GSAP: variants seen among roughly 807,000 people sequenced by gnomAD.
The protein encoded by GSAP is gamma-secretase activating protein, also known as gamma-secretase-activating protein.
In GSAP, 118 loss-of-function variants were observed where a neutral mutation model predicts 131.7. The ratio of observed to expected loss-of-function variants is 0.90; its 90% CI spans 0.77 to 1.04. The LOEUF (loss-of-function observed/expected upper bound fraction) is 1.04. Ranked by LOEUF, GSAP falls within the 50% of genes least tolerant of loss-of-function variation. The pLI is 0.00. For missense variants in GSAP, 1,019 were observed against 1,013.2 expected (o/e 1.01, Z -0.08); for synonymous variants, 381 against 363.4 (o/e 1.05, Z -0.55).
intron 26 of GSAP, among the ~76,000 whole-genome samples, chr7:77,316,714 C>T (rs750692170): frequency 6.6e-6 from 1 of 152,124 alleles, no homozygotes; most frequent in Non-Finnish European, 1.5e-5. Flanking sequence ...GACCCTTCAT[C>T]CTCTATCCCC....
intron 22 of GSAP, 111 bp downstream of exon 22, chr7:77,328,495 A>G (rs930323634): frequency 2.5e-5 from 38 of 1,493,782 alleles, no homozygotes; most frequent in Non-Finnish European, 3.4e-5. Flanking sequence ...TGCTGCCTGC[A>G]CCACACTACT....
chr7:77,407,104 A>G (rs1219406869), intron 1 of GSAP, among the ~76,000 whole-genome samples: 1 of 152,210 alleles, frequency 6.6e-6, no homozygotes, highest in African/African-American at 2.4e-5. Context: ...TGGGGAGGGC[A>G]GCTTTCTCCC....
intron 14 of GSAP, among the ~76,000 whole-genome samples, chr7:77,360,613 C>T (rs539627380): frequency 6.6e-6 from 1 of 152,310 alleles, no homozygotes; most frequent in East Asian, 1.9e-4. Context: ...ATACAACCCC[C>T]AACCCTTTTC....
At chr7:77,325,471 G>C (rs1192784568) in intron 23 of GSAP, among the ~76,000 whole-genome samples, 1 of 152,090 alleles carries the variant, frequency 6.6e-6, no homozygotes, top group Non-Finnish European at 1.5e-5. Flanking sequence ...TACAAATTCT[G>C]CTTTTCAATT....
chr7:77,355,858 C>T (rs907334373), intron 14 of GSAP, among the ~76,000 whole-genome samples: 3 of 138,972 alleles, frequency 2.2e-5, no homozygotes, highest in South Asian at 4.8e-4. Flanking sequence ...GGTGTGATGT[C>T]GGCCCACTGC....
Position 77,351,177 on chromosome 7 carries a change from C to T in GSAP, c.1491+1767G>A, listed in dbSNP as rs942591670. The T allele has an allele frequency of 5.1e-6, 5 of 982,540 alleles. No homozygotes were observed. The African/African-American group carries it at 8.8e-5, about 17-fold the overall frequency. The allele number at this position is 982,540 out of a possible 1,614,324, so 60.9% of individuals were successfully genotyped here. ...GTTCTTCAATGTGACAGTTGAAAGC[C>T]GTGATAAGAATCTATTGTGTGCTTC... On this transcript the variant is annotated intron_variant, in intron 18 of 30. Transcript: ENST00000257626.
At chr7:77,397,887 T>TC (rs1488583012) in intron 3 of GSAP, among the ~76,000 whole-genome samples, 8 of 152,212 alleles carry the variant, frequency 5.3e-5, no homozygotes, top group African/African-American at 1.9e-4. Flanking sequence ...AGGTAATTAA[T>TC]TACCTCAGTA....
Position 77,320,720 on chromosome 7 carries a change from CT to C in GSAP, c.2089+4del. On this transcript the variant is annotated splice_donor_region_variant and intron_variant, in intron 26 of 30. Coordinates refer to ENST00000257626, the MANE Select transcript of GSAP (RefSeq NM_017439.4). ...ATACCAAAGGACAAAAGAGCCAACACTTACCAGGAGGCAGAGGTAAAAACAA... is the reference window on the plus strand; with the variant it reads ...ATACCAAAGGACAAAAGAGCCAACACTACCAGGAGGCAGAGGTAAAAACAA... The C allele has an allele frequency of 6.5e-7, 1 of 1,546,610 alleles. No homozygotes were observed. The highest frequency in any genetic ancestry group is 8.9e-7 in the Non-Finnish European group (1 of 1,118,574).
intron 8 of GSAP, among the ~76,000 whole-genome samples, chr7:77,380,632 G>C (rs1359884782): frequency 6.6e-6 from 1 of 152,004 alleles, no homozygotes; most frequent in Non-Finnish European, 1.5e-5. Context: ...CCCTGGGTGG[G>C]TAAGAGGTGG....
chr7:77,337,163 T>C (rs1790115832), intron 19 of GSAP, among the ~76,000 whole-genome samples: 1 of 152,076 alleles, frequency 6.6e-6, no homozygotes, highest in African/African-American at 2.4e-5. Flanking sequence ...ACTTTGTGTT[T>C]TGTTTGTGAG....
intron 8 of GSAP, among the ~76,000 whole-genome samples, chr7:77,380,230 A>T (rs1797593506): frequency 6.6e-6 from 1 of 152,164 alleles, no homozygotes; most frequent in Non-Finnish European, 1.5e-5. Flanking sequence ...TCCAATTGGA[A>T]ATTTTTTAAA....
chr7:77,355,368 C>A lies in GSAP; in HGVS notation c.1183G>T (p.Val395Leu). The A allele has an allele frequency of 4.3e-6, 7 of 1,613,202 alleles. No individual in the cohort carries two copies. The highest frequency in any genetic ancestry group is 5.9e-6 in the Non-Finnish European group (7 of 1,179,530). The stretch of plus-strand genomic sequence containing the variant: ...AGCTTTCCAGAACAACAATCCAATA[C>A]CAGGGACCCTGACAATGACTGTAAA... Reference protein sequence around the residue: ...CPLQSLSGSLVLDCCSGKLYR... With the variant: ...CPLQSLSGSLLLDCCSGKLYR... The change falls in exon 16 of 31, where the codon GTA becomes TTA. Residue 395 changes from valine (V) to leucine (L), a missense_variant. Transcript: ENST00000257626.
chr7:77,366,596 G>A (rs1399189022), intron 12 of GSAP, among the ~76,000 whole-genome samples: 1 of 152,146 alleles, frequency 6.6e-6, no homozygotes, highest in Non-Finnish European at 1.5e-5. Context: ...CTATGTGCCT[G>A]TTTTGGTAAC....
At chr7:77,327,963 C>T (rs1280573299) in intron 22 of GSAP, among the ~76,000 whole-genome samples, 1 of 152,226 alleles carries the variant, frequency 6.6e-6, no homozygotes, top group Non-Finnish European at 1.5e-5. Flanking sequence ...CAGGTACCCT[C>T]ATGTGCTAAG....
chr7:77,353,032 T>C lies in GSAP; in HGVS notation c.1409-6A>G. On this transcript the variant is annotated splice_polypyrimidine_tract_variant and splice_region_variant and intron_variant, in intron 17 of 30. Coordinates refer to ENST00000257626, the MANE Select transcript of GSAP (RefSeq NM_017439.4). The stretch of plus-strand genomic sequence containing the variant: ...TACACTCCAGTATGAAGAAGCTGAG[T>C]AGATTTTTTTTGAAACAGGGGGAAA... The C allele has an allele frequency of 6.4e-7, 1 of 1,563,816 alleles. No homozygotes were observed.
chr7:77,406,691 C>T (rs563854338), intron 1 of GSAP, among the ~76,000 whole-genome samples: 69 of 152,338 alleles, frequency 4.5e-4, no homozygotes, highest in African/African-American at 1.5e-3. Context: ...TCTATTTTCT[C>T]CCCATGGAAT....
chr7:77,378,518 A>AAT (rs1797316530), intron 8 of GSAP, among the ~76,000 whole-genome samples: 1 of 149,106 alleles, frequency 6.7e-6, no homozygotes, highest in African/African-American at 2.6e-5. Context: ...AACAAAAAAC[A>AAT]ACAAAAAAAA....
intron 8 of GSAP, among the ~76,000 whole-genome samples, chr7:77,380,885 T>A (rs1797696741): frequency 6.6e-6 from 1 of 152,226 alleles, no homozygotes; most frequent in South Asian, 2.1e-4. Context: ...ATATCTCTAT[T>A]TTAGTAACCC....
rs377500530 is a variant in GSAP, at chr7:77,314,475, G to A, written c.2104C>T (p.His702Tyr). 50 of 1,613,542 alleles carry A rather than the reference G, an allele frequency of 3.1e-5. No homozygotes were observed. The highest frequency in any genetic ancestry group is 4.2e-5 in the Non-Finnish European group (49 of 1,179,710). Residue 702 changes from histidine to tyrosine, a missense_variant, in exon 27 of 31, where the codon CAC becomes TAC. Physicochemically the swap from His to Tyr is moderately conservative, Grantham distance 83. Coordinates refer to ENST00000257626, the MANE Select transcript of GSAP (RefSeq NM_017439.4). Reference sequence around the variant, plus strand: ...AGACACTGGACCCCGAGGATGGTGTGCAGAGTATGAAAACCTAGGATGAGA... The same window carrying A: ...AGACACTGGACCCCGAGGATGGTGTACAGAGTATGAAAACCTAGGATGAGA... The part of the protein sequence containing the change: ...LPLPPGFHTL[H>Y]TILGVQCLPL...
Sources: allele counts gnomAD v4.1 joint callset (sites outside exome capture counted in the v4.1 genomes callset), GRCh38; gene constraint gnomAD v4.1.1; transcripts MANE v1.5; gene names NCBI Gene and HGNC (gene_info 2026-07-23, HGNC 2026-07-21).